Variants in ZBTB18 observed in about 807,000 individuals in gnomAD.
ZBTB18 encodes zinc finger and BTB domain-containing protein 18.
Under a neutral mutation model 37.7 loss-of-function variants are expected in ZBTB18, and 2 were observed. The observed-to-expected ratio is 0.05, with a 90% confidence interval of 0.02 to 0.17. The LOEUF is 0.17. Ranked by LOEUF, ZBTB18 falls within the 10% of genes least tolerant of loss-of-function variation. The pLI is 1.00. For missense variants in ZBTB18, 408 were observed against 686.3 expected, an observed-to-expected ratio of 0.59 and a Z score of 4.53; for synonymous variants, 304 against 276.5, an observed-to-expected ratio of 1.10 and a Z score of -0.99.
In ZBTB18 at chr1:244,055,434, G is replaced by C. The variant is rs985819588; in HGVS notation, c.*64G>C. On this transcript the variant is annotated 3_prime_UTR_variant, in exon 2 of 2. Coordinates refer to ENST00000358704, the MANE Select transcript of ZBTB18 (RefSeq NM_205768.3). The surrounding 1 kb of genome is among the most constrained non-coding windows in gnomAD (Gnocchi z 7.0). ...TATATAAATAGATCTCTATATAGTT[G>C]TGGTACGGTCTAAAAGCAGTCTTGT... 1.1e-4 allele frequency: 65 copies of C among 591,750 alleles called. No homozygotes were observed. The highest frequency in any genetic ancestry group is 6.3e-5 in the Non-Finnish European group (27 of 427,460). 36.7% of individuals were successfully genotyped at this position (591,750 alleles called of 1,614,324 possible).
chr1:244,054,021 G>A lies in ZBTB18; in HGVS notation c.247G>A (p.Ala83Thr), dbSNP rs1698403442. 5 of 1,614,062 alleles carry A rather than the reference G, an allele frequency of 3.1e-6. No individual in the cohort carries two copies. The highest frequency in any genetic ancestry group is 4.2e-6 in the Non-Finnish European group (5 of 1,180,020). Reference protein sequence around the residue: ...HLNSDIVTAPAFALLLEFMYE... With the variant: ...HLNSDIVTAPTFALLLEFMYE... ...GAACAGCGACATTGTTACAGCCCCCGCTTTCGCTCTCCTGCTTGAATTCAT... is the reference window on the plus strand; with the variant it reads ...GAACAGCGACATTGTTACAGCCCCCACTTTCGCTCTCCTGCTTGAATTCAT... The change falls in exon 2 of 2, where the codon GCT (alanine) becomes ACT (threonine). Residue 83 changes from alanine to threonine, a missense_variant. Transcript: ENST00000358704. The surrounding 1 kb of genome is among the most constrained non-coding windows in gnomAD (Gnocchi z 9.0).
upstream of ZBTB18, among the ~76,000 whole-genome samples, chr1:244,050,024 C>T (rs1698316865): frequency 6.6e-6 from 1 of 152,222 alleles, no homozygotes; most frequent in South Asian, 2.1e-4. Flanking sequence ...AGGATGTCTC[C>T]TGGACTAAGT....
chr1:244,050,406 T>C (rs986884896), upstream of ZBTB18, among the ~76,000 whole-genome samples: 1 of 148,298 alleles, frequency 6.7e-6, no homozygotes, highest in African/African-American at 2.5e-5. Flanking sequence ...CACACAAAGA[T>C]TTTCTTGTGA....
chr1:244,054,525 C>T lies in ZBTB18; in HGVS notation c.751C>T (p.Leu251=), dbSNP rs150420107. Residue 251 remains leucine (L), a synonymous_variant, in exon 2 of 2, where the codon CTG becomes TTG. Transcript: ENST00000358704. The surrounding 1 kb of genome is among the most constrained non-coding windows in gnomAD (Gnocchi z 9.0). ...GGCAGATGTTGACTGTGTGCTGGAC[C>T]TGTCTGTCAAGTCCAGCCTTTCAGG... ...DSADVDCVLD[L]SVKSSLSGVE... 4 of 1,614,214 alleles carry T rather than the reference C, an allele frequency of 2.5e-6. No individual in the cohort carries two copies. Among genetic ancestry groups the T allele is most frequent in the Non-Finnish European group, 2.5e-6 (3 of 1,180,036 alleles).
Position 244,054,815 on chromosome 1 carries a change from G to A in ZBTB18, c.1041G>A (p.Met347Ile). 1.2e-6 allele frequency: 2 copies of A among 1,614,124 alleles called. No individual in the cohort carries two copies. Among genetic ancestry groups the A allele is most frequent in the Non-Finnish European group, 1.7e-6 (2 of 1,180,016 alleles). Residue 347 changes from methionine to isoleucine, a missense_variant, in exon 2 of 2, where the codon ATG (methionine) becomes ATA (isoleucine). Physicochemically the swap from Met to Ile is conservative, Grantham distance 10. This residue lies in a region of ZBTB18 where 266 missense variants were observed against 312.0 expected (regional missense o/e 0.85). Coordinates refer to ENST00000358704, the MANE Select transcript of ZBTB18 (RefSeq NM_205768.3). This position sits in a 1 kb window ranked among gnomAD's most constrained non-coding sequence, Gnocchi z 9.0. Reference protein sequence around the residue: ...REDKASDDEMMTPESERVQVE... With the variant: ...REDKASDDEMITPESERVQVE... ...ACAAAGCCAGTGATGATGAGATGAT[G>A]ACCCCAGAGAGCGAGCGTGTCCAGG...
Position 244,054,887 on chromosome 1 carries a change from C to T in ZBTB18, c.1113C>T (p.Ile371=), listed in dbSNP as rs1386883493. 1.2e-6 allele frequency: 2 copies of T among 1,614,040 alleles called. No homozygotes were observed. Among genetic ancestry groups the T allele is most frequent in the Non-Finnish European group, 1.7e-6 (2 of 1,180,042 alleles). The change falls in exon 2 of 2, where the codon ATC becomes ATT. Residue 371 remains isoleucine (I), a synonymous_variant. Transcript: ENST00000358704. This position sits in a 1 kb window ranked among gnomAD's most constrained non-coding sequence, Gnocchi z 9.0. The stretch of plus-strand genomic sequence containing the variant: ...GTCTGCTCCCCTACGTCTCCAACAT[C>T]CTGAGCCCCGCGGGCCAGATCTTCA... ...ESSLLPYVSN[I]LSPAGQIFMC...
upstream of ZBTB18, among the ~76,000 whole-genome samples, chr1:244,048,521 G>A (rs1194445222): frequency 6.6e-6 from 1 of 150,670 alleles, no homozygotes; most frequent in East Asian, 2.0e-4. Flanking sequence ...GAGGGAGGCA[G>A]GGGAAGGAGA....
chr1:244,049,564 C>T (rs12027747), upstream of ZBTB18, among the ~76,000 whole-genome samples: 45,315 of 151,886 alleles, frequency 0.3, 7,454 homozygotes, highest in East Asian at 0.72. Flanking sequence ...TCTCCTCCCG[C>T]TGGCTGCTTC....
At chr1:244,049,906 C>T (rs1345375988), upstream of ZBTB18, among the ~76,000 whole-genome samples, 1 of 152,122 alleles carries the variant, frequency 6.6e-6, no homozygotes, top group African/African-American at 2.4e-5. Context: ...CTGTCACTCA[C>T]CCCCCACCCC....
Position 244,055,010 on chromosome 1 carries a change from C to A in ZBTB18, c.1236C>A (p.Pro412=), listed in dbSNP as rs766458749. The change falls in exon 2 of 2, where the codon CCC becomes CCA. Residue 412 remains proline (P), a synonymous_variant. Coordinates refer to ENST00000358704, the MANE Select transcript of ZBTB18 (RefSeq NM_205768.3). This position sits in a 1 kb window ranked among gnomAD's most constrained non-coding sequence, Gnocchi z 7.0. ...AGCAGGACGGCATCCGCAGCAAGCCCGCCGCCGATGTCAACGTGCCCACGT... is the reference window on the plus strand; with the variant it reads ...AGCAGGACGGCATCCGCAGCAAGCCAGCCGCCGATGTCAACGTGCCCACGT... The part of the protein sequence containing the change: ...FREQDGIRSK[P]AADVNVPTCS... 1.9e-6 allele frequency: 3 copies of A among 1,614,160 alleles called. No homozygotes were observed. Among genetic ancestry groups the A allele is most frequent in the Non-Finnish European group, 2.5e-6 (3 of 1,180,036 alleles).
upstream of ZBTB18, among the ~76,000 whole-genome samples, chr1:244,049,897 T>A (rs139094371): frequency 8.7e-4 from 133 of 152,226 alleles, no homozygotes; most frequent in Non-Finnish European, 1.7e-3. Flanking sequence ...CTCATTAAAC[T>A]GTCACTCACC....
At position 244,057,226 on chromosome 1, in the gene ZBTB18, T is replaced by C. The variant is rs1159580393; in HGVS notation, c.*1856T>C. 1 of 167,108 alleles carries C rather than the reference T, an allele frequency of 6.0e-6. No individual in the cohort carries two copies. Among genetic ancestry groups the C allele is most frequent in the Non-Finnish European group, 1.5e-5 (1 of 68,132 alleles). The allele number at this position is 167,108 out of a possible 1,614,324, so 10.4% of individuals were successfully genotyped here. On this transcript the variant is annotated 3_prime_UTR_variant, in exon 2 of 2. Coordinates refer to ENST00000358704, the MANE Select transcript of ZBTB18 (RefSeq NM_205768.3). ...TTATTAATTTAGAGAAGACAATCAA[T>C]GTCTGTGAGAAAACGGACTTTCTTT...
In ZBTB18 at chr1:244,051,331, T is replaced by C. The variant is rs1242254210; in HGVS notation, c.-101T>C. ...GAAGGTATCTCATTCCTCTCTAACA[T>C]CATCTCCACTTTGCATCTGTCTCTC... On this transcript the variant is annotated 5_prime_UTR_variant, in exon 1 of 2. Transcript: ENST00000358704. 1.5e-6 allele frequency: 2 copies of C among 1,292,268 alleles called. No homozygotes were observed. Among genetic ancestry groups the C allele is most frequent in the Non-Finnish European group, 2.2e-6 (2 of 897,894 alleles). 80.1% of individuals were successfully genotyped at this position (1,292,268 alleles called of 1,614,324 possible).
At chr1:244,050,309 C>T (rs1453516283), upstream of ZBTB18, among the ~76,000 whole-genome samples, 2 of 152,094 alleles carry the variant, frequency 1.3e-5, no homozygotes, top group Admixed American at 6.5e-5. Context: ...CAGCCCAGCC[C>T]GGGTCGCGTT....
At chr1:244,049,311 C>T (rs1698301620), upstream of ZBTB18, among the ~76,000 whole-genome samples, 1 of 146,984 alleles carries the variant, frequency 6.8e-6, no homozygotes, top group Non-Finnish European at 1.5e-5. Flanking sequence ...GGGGCGGGCT[C>T]CCGGCCGGTG....
rs959583002 is a variant in ZBTB18 at position 244,054,396 on chromosome 1, G to A, written c.622G>A (p.Gly208Arg). 17 of 1,614,062 alleles carry A rather than the reference G, an allele frequency of 1.1e-5. No individual in the cohort carries two copies. Among genetic ancestry groups the A allele is most frequent in the Admixed American group, 5.0e-5 (3 of 60,010 alleles). ...SDSAGIPQAG[G>R]EAEPHATAAG... Reference sequence around the variant, plus strand: ...CTCAGCAGGCATCCCCCAGGCTGGCGGAGAGGCAGAGCCACACGCCACAGC... The same window carrying A: ...CTCAGCAGGCATCCCCCAGGCTGGCAGAGAGGCAGAGCCACACGCCACAGC... The change falls in exon 2 of 2, where the codon GGA (glycine) becomes AGA (arginine). Residue 208 changes from glycine (G) to arginine (R), a missense_variant. Physicochemically the swap from Gly to Arg is moderately radical, Grantham distance 125. Around this residue, in one of 4 missense-constraint regions of ZBTB18, gnomAD observed 266 missense variants for 312.0 expected, o/e 0.85. Coordinates refer to ENST00000358704, the MANE Select transcript of ZBTB18 (RefSeq NM_205768.3). This position sits in a 1 kb window ranked among gnomAD's most constrained non-coding sequence, Gnocchi z 9.0.
chr1:244,050,769 C>G (rs1018367537), upstream of ZBTB18, among the ~76,000 whole-genome samples: 2 of 152,090 alleles, frequency 1.3e-5, no homozygotes, highest in African/African-American at 4.8e-5. Context: ...CTGAACAAGT[C>G]TGCCAACATT....
Position 244,054,746 on chromosome 1 carries a change from T to C in ZBTB18, c.972T>C (p.Ala324=), listed in dbSNP as rs1698421264. Residue 324 remains alanine, a synonymous_variant, in exon 2 of 2, where the codon GCT becomes GCC. Transcript: ENST00000358704. The surrounding 1 kb of genome is among the most constrained non-coding windows in gnomAD (Gnocchi z 9.0). ...NRVQYEPAHL[A]PLREDSVLRE... ...TACAGTATGAGCCGGCCCATCTGGCTCCCCTGAGGGAGGACTCGGTCTTGA... is the reference window on the plus strand; with the variant it reads ...TACAGTATGAGCCGGCCCATCTGGCCCCCCTGAGGGAGGACTCGGTCTTGA... 6.2e-7 allele frequency: 1 copy of C among 1,613,910 alleles called. No individual in the cohort carries two copies. The highest frequency in any genetic ancestry group is 1.1e-5 in the South Asian group (1 of 91,076).
At chr1:244,051,538 A>G (rs1394042867) in intron 1 of ZBTB18, 94 bp downstream of exon 1, 5 of 1,450,424 alleles carry the variant, frequency 3.4e-6, no homozygotes, top group Non-Finnish European at 4.8e-6. Context: ...AACCCAGTTT[A>G]GGAATAATAT....
Sources: allele counts gnomAD v4.1 joint callset (sites outside exome capture counted in the v4.1 genomes callset), GRCh38; gene constraint gnomAD v4.1.1; regional missense constraint gnomAD v4.1.1; non-coding constraint Gnocchi (gnomAD v3.1); transcripts MANE v1.5; gene names NCBI Gene and HGNC (gene_info 2026-07-23, HGNC 2026-07-21).